RAD23B: variants seen among roughly 807,000 people sequenced by gnomAD.
RAD23B encodes the protein RAD23 nucleotide excision repair protein B.
A neutral mutation model predicts 49.1 loss-of-function variants in RAD23B; 5 were observed. The observed-to-expected ratio is 0.10, with a 90% confidence interval of 0.05 to 0.21. RAD23B has a LOEUF of 0.21. RAD23B is among the 10% of genes least tolerant of loss of function. The pLI, the probability that RAD23B is intolerant of heterozygous loss-of-function variation, is 1.00. For synonymous variants in RAD23B, 184 were observed against 165.4 expected (o/e 1.11, Z -0.86); for missense variants, 356 against 486.7 (o/e 0.73, Z 2.53).
In RAD23B at chr9:107,296,788, G is replaced by A. The variant is rs182978253; in HGVS notation, c.67-3353G>A. Among the ~76,000 whole-genome samples the A allele has an allele frequency of 7.8e-3, 1,180 of 152,008 alleles. 11 individuals carry two copies. Among genetic ancestry groups the A allele is most frequent in the Non-Finnish European group, 9.4e-3 (637 of 68,004 alleles). Reference sequence around the variant, plus strand: ...GGCCTCAAATGATCCGCCCACTTCGGCCTTCCAGGGTGTTGGGATTACAGG... The same window carrying A: ...GGCCTCAAATGATCCGCCCACTTCGACCTTCCAGGGTGTTGGGATTACAGG... On this transcript the variant is annotated intron_variant, in intron 1 of 9. Transcript: ENST00000358015.
intron 7 of RAD23B, 113 bp downstream of exon 7, chr9:107,322,231 C>T (rs898491066): frequency 2.4e-5 from 31 of 1,275,588 alleles, no homozygotes; most frequent in Non-Finnish European, 3.1e-5. Context: ...TCGAATAATT[C>T]GTTAAGTTCT....
At chr9:107,306,337 G>A (rs1387333362) in intron 3 of RAD23B, 42 bp from the exon 4 acceptor site, 1 of 1,575,506 alleles carries the variant, frequency 6.3e-7, no homozygotes, top group Non-Finnish European at 8.7e-7. Context: ...CAGGCAGTAT[G>A]TAGTATTTTA....
At chr9:107,305,255 A>G (rs887444642) in intron 3 of RAD23B, among the ~76,000 whole-genome samples, 4 of 152,230 alleles carry the variant, frequency 2.6e-5, no homozygotes, top group Non-Finnish European at 5.9e-5. Context: ...GTGAGCTGTG[A>G]TCATACCACT....
chr9:107,292,343 A>T (rs1222975649), intron 1 of RAD23B, among the ~76,000 whole-genome samples: 1 of 152,220 alleles, frequency 6.6e-6, no homozygotes, highest in Non-Finnish European at 1.5e-5. Flanking sequence ...ATTGATTTCT[A>T]GATGCGAAAT....
intron 3 of RAD23B, among the ~76,000 whole-genome samples, chr9:107,305,622 G>A (rs867678370): frequency 6.6e-6 from 1 of 152,126 alleles, no homozygotes; most frequent in Non-Finnish European, 1.5e-5. Flanking sequence ...AAAGTGCTGA[G>A]CGTGTGGAGG....
At chr9:107,304,575 GTCT>G (rs771813764) in intron 3 of RAD23B, among the ~76,000 whole-genome samples, 3 of 152,142 alleles carry the variant, frequency 2.0e-5, no homozygotes, top group Non-Finnish European at 4.4e-5. Flanking sequence ...TTTTCCTAGT[GTCT>G]TCTTTATTAG....
At chr9:107,306,066 T>TAG (rs1826760924) in intron 3 of RAD23B, among the ~76,000 whole-genome samples, 2 of 124,660 alleles carry the variant, frequency 1.6e-5, no homozygotes, top group Non-Finnish European at 3.6e-5. Context: ...TATATATATA[T>TAG]ATATATCTAT....
chr9:107,303,155 T>G (rs1374148200), intron 3 of RAD23B, among the ~76,000 whole-genome samples: 1 of 152,112 alleles, frequency 6.6e-6, no homozygotes, highest in African/African-American at 2.4e-5. Flanking sequence ...ATGACATTCA[T>G]TTTTAGGATT....
chr9:107,326,219 G>A (rs1305068874), intron 9 of RAD23B, among the ~76,000 whole-genome samples: 1 of 151,960 alleles, frequency 6.6e-6, no homozygotes, highest in Non-Finnish European at 1.5e-5. Flanking sequence ...GGGTAATACT[G>A]GCCTCTTAGG....
chr9:107,285,483 ACT>A (rs1564237737), intron 1 of RAD23B, among the ~76,000 whole-genome samples: 1 of 152,182 alleles, frequency 6.6e-6, no homozygotes, highest in Non-Finnish European at 1.5e-5. Context: ...TTATGCAGTG[ACT>A]CTGTCAACAG....
chr9:107,309,879 C>T (rs1040424718), intron 4 of RAD23B, among the ~76,000 whole-genome samples: 1 of 145,856 alleles, frequency 6.9e-6, no homozygotes, highest in Non-Finnish European at 1.5e-5. Context: ...TGCAGTGAGC[C>T]GAGATTGCGC....
chr9:107,321,144 T>TA (rs1295684852), intron 6 of RAD23B, among the ~76,000 whole-genome samples: 1 of 152,204 alleles, frequency 6.6e-6, no homozygotes. Flanking sequence ...ACTATAAACT[T>TA]ACAAAAGGCA....
At chr9:107,310,090 G>C (rs903993933) in intron 4 of RAD23B, among the ~76,000 whole-genome samples, 2 of 152,076 alleles carry the variant, frequency 1.3e-5, no homozygotes, top group Admixed American at 1.3e-4. Flanking sequence ...CAATAGCTTT[G>C]AAATAGACCC....
At chr9:107,291,334 A>G (rs1489269320) in intron 1 of RAD23B, among the ~76,000 whole-genome samples, 1 of 152,180 alleles carries the variant, frequency 6.6e-6, no homozygotes, top group African/African-American at 2.4e-5. Context: ...TCATACTGTT[A>G]GGAATATATT....
intron 6 of RAD23B, 90 bp from the exon 7 acceptor site, chr9:107,321,893 A>G: frequency 7.9e-7 from 1 of 1,269,864 alleles, no homozygotes; most frequent in South Asian, 2.1e-5. Context: ...AAAATCAAAC[A>G]AGATGTTAAA....
intron 2 of RAD23B, 31 bp from the exon 3 acceptor site, chr9:107,302,004 T>G: frequency 6.2e-7 from 1 of 1,606,014 alleles, no homozygotes; most frequent in Admixed American, 1.7e-5. Context: ...GATTATGCCT[T>G]AAATGATTTT....
rs769489666 is a variant in RAD23B at position 107,331,641 on chromosome 9, T to C, written c.*1985T>C. 5 of 769,318 alleles carry C rather than the reference T, an allele frequency of 6.5e-6. No homozygotes were observed. In the East Asian group the frequency reaches 1.2e-4, roughly 19 times the overall value. 47.7% of individuals were successfully genotyped at this position (769,318 alleles called of 1,614,324 possible). The stretch of plus-strand genomic sequence containing the variant: ...GATCGGATAATGGAATACTCTCATT[T>C]ATTTTATGACATTCTCTGTCTACTC... On this transcript the variant is annotated 3_prime_UTR_variant, in exon 10 of 10. Coordinates refer to ENST00000358015, the MANE Select transcript of RAD23B (RefSeq NM_002874.5).
At chr9:107,321,331 A>C (rs1827107616) in intron 6 of RAD23B, among the ~76,000 whole-genome samples, 1 of 151,976 alleles carries the variant, frequency 6.6e-6, no homozygotes, top group African/African-American at 2.4e-5. Context: ...CACTTCACTG[A>C]AAAGTACCTC....
intron 1 of RAD23B, among the ~76,000 whole-genome samples, chr9:107,299,176 A>G (rs1258700536): frequency 1.3e-5 from 2 of 152,202 alleles, no homozygotes; most frequent in Non-Finnish European, 2.9e-5. Context: ...TTTGAAGTAC[A>G]CACCATCACT....
Sources: gnomAD v4.1 joint callset for allele counts (sites outside exome capture counted in the v4.1 genomes callset) on GRCh38, gnomAD v4.1.1 for gene constraint, MANE v1.5 for transcripts, NCBI Gene and HGNC (gene_info 2026-07-23, HGNC 2026-07-21) for gene names.